Variants in FLACC1 observed in about 807,000 individuals in gnomAD.
FLACC1 encodes flagellum-associated coiled-coil domain-containing protein 1.
Under a neutral mutation model 62.8 loss-of-function variants are expected in FLACC1, and 66 were observed. The observed-to-expected ratio is 1.05, with a 90% CI of 0.86 to 1.29. The LOEUF is 1.29. Among genes scored for constraint, FLACC1 ranks in the 50% most tolerant of loss-of-function variants. The pLI is 0.00. For synonymous variants in FLACC1, 156 were observed against 161.0 expected (o/e 0.97, Z 0.24); for missense variants, 452 against 489.1 (o/e 0.92, Z 0.71).
intron 9 of FLACC1, among the ~76,000 whole-genome samples, chr2:201,309,980 G>A (rs987739360): frequency 3.3e-5 from 5 of 151,130 alleles, no homozygotes; most frequent in Admixed American, 2.6e-4. Context: ...AAAATAAGGG[G>A]ATGTTTTTCA....
chr2:201,320,632 G>A (rs973585315), intron 9 of FLACC1, among the ~76,000 whole-genome samples: 15 of 152,278 alleles, frequency 9.9e-5, no homozygotes, highest in African/African-American at 3.4e-4. Flanking sequence ...TCAACCCAGT[G>A]GCCTGAGAAC....
At chr2:201,300,156 G>A (rs1949947899) in intron 11 of FLACC1, among the ~76,000 whole-genome samples, 1 of 152,224 alleles carries the variant, frequency 6.6e-6, no homozygotes, top group Non-Finnish European at 1.5e-5. Context: ...CGAGGGGTCA[G>A]ATAATTCCCT....
intron 4 of FLACC1, among the ~76,000 whole-genome samples, chr2:201,347,458 C>T (rs1950938117): frequency 6.6e-6 from 1 of 152,224 alleles, no homozygotes; most frequent in Middle Eastern, 3.2e-3. Context: ...ACCTAGAGGG[C>T]AATTATATTT....
intron 9 of FLACC1, among the ~76,000 whole-genome samples, chr2:201,324,962 T>A (rs976941373): frequency 1.3e-5 from 2 of 152,052 alleles, no homozygotes; most frequent in African/African-American, 4.8e-5. Flanking sequence ...ACCCCATCTT[T>A]ACTAAAAATA....
intron 7 of FLACC1, among the ~76,000 whole-genome samples, chr2:201,337,411 T>C (rs1559413090): frequency 6.6e-6 from 1 of 152,244 alleles, no homozygotes; most frequent in Non-Finnish European, 1.5e-5. Flanking sequence ...TCCCAGTGTA[T>C]GTTCTTGACA....
intron 11 of FLACC1, 46 bp downstream of exon 11, chr2:201,307,473 A>T: frequency 6.8e-7 from 1 of 1,461,536 alleles, no homozygotes; most frequent in Non-Finnish European, 9.6e-7. Context: ...TGGGTGTACC[A>T]CCTGGACTAC....
chr2:201,356,308 C>T (rs1294210693), intron 1 of FLACC1, among the ~76,000 whole-genome samples: 2 of 152,088 alleles, frequency 1.3e-5, no homozygotes, highest in Non-Finnish European at 2.9e-5. Flanking sequence ...TTACAGGCAC[C>T]CGCCACCATG....
intron 7 of FLACC1, among the ~76,000 whole-genome samples, chr2:201,334,031 A>C (rs961390316): frequency 6.6e-6 from 1 of 152,244 alleles, no homozygotes; most frequent in Admixed American, 6.5e-5. Context: ...TCCTACCAAC[A>C]GTGTAAAACT....
intron 7 of FLACC1, among the ~76,000 whole-genome samples, chr2:201,335,232 CTT>C (rs1437883034): frequency 6.6e-6 from 1 of 152,024 alleles, no homozygotes; most frequent in South Asian, 2.1e-4. Flanking sequence ...AAAAACAACT[CTT>C]AGCTTCATTG....
intron 7 of FLACC1, among the ~76,000 whole-genome samples, chr2:201,340,766 A>T (rs1950791803): frequency 6.6e-6 from 1 of 152,122 alleles, no homozygotes; most frequent in Admixed American, 6.5e-5. Context: ...TCCGTTTTTA[A>T]AACTTCCTTT....
At chr2:201,292,871 A>C (rs966169267) in intron 12 of FLACC1, among the ~76,000 whole-genome samples, 21 of 152,160 alleles carry the variant, frequency 1.4e-4, no homozygotes, top group African/African-American at 3.1e-4. Flanking sequence ...GGGTTGCAAT[A>C]CTAGTCTCTG....
chr2:201,352,036 A>C (rs1448079431), intron 1 of FLACC1: 1 of 152,304 alleles, frequency 6.6e-6, no homozygotes, highest in Non-Finnish European at 1.5e-5. Flanking sequence ...AGCCAGGTAA[A>C]ACTGCTCAAT....
chr2:201,294,215 C>T (rs1559384217), intron 12 of FLACC1, among the ~76,000 whole-genome samples: 3 of 152,044 alleles, frequency 2.0e-5, no homozygotes, highest in East Asian at 3.9e-4. Context: ...AGAGACACAA[C>T]AAAAAAAGAG....
chr2:201,325,044 G>T (rs1188017695), intron 9 of FLACC1, among the ~76,000 whole-genome samples: 3 of 152,146 alleles, frequency 2.0e-5, no homozygotes, highest in Non-Finnish European at 2.9e-5. Context: ...TGAGGTGCGA[G>T]AATTGCTTGA....
chr2:201,308,494 T>G (rs1371262935), intron 10 of FLACC1, among the ~76,000 whole-genome samples: 6 of 152,158 alleles, frequency 3.9e-5, no homozygotes, highest in Admixed American at 1.3e-4. Context: ...ATAAATGTGG[T>G]TGGCGTGGAA....
At chr2:201,348,170 T>C (rs1258706692) in intron 4 of FLACC1, 84 bp downstream of exon 4, 12 of 1,335,180 alleles carry the variant, frequency 9.0e-6, no homozygotes, top group African/African-American at 8.9e-5. Context: ...ACAAGGTAAG[T>C]ATAAAAATGT....
At chr2:201,302,212 C>CTTT (rs1344090359) in intron 11 of FLACC1, among the ~76,000 whole-genome samples, 1 of 151,906 alleles carries the variant, frequency 6.6e-6, no homozygotes, top group African/African-American at 2.4e-5. Flanking sequence ...CACACAGAGG[C>CTTT]TCAAAATAAA....
chr2:201,351,408 C>T lies in FLACC1; in HGVS notation c.-4G>A, dbSNP rs754356893. On this transcript the variant is annotated 5_prime_UTR_variant, in exon 2 of 15. Transcript: ENST00000392257. The stretch of plus-strand genomic sequence containing the variant: ...AGATGAGAGGGTTGGGGTACATGGC[C>T]AAAGGTCAGGGGGAGTCTTGGCTGC... The T allele has an allele frequency of 5.6e-6, 9 of 1,608,276 alleles. No homozygotes were observed. The African/African-American group carries it at 1.1e-4, about 19-fold the overall frequency.
At chr2:201,328,984 G>A (rs893187737) in intron 9 of FLACC1, among the ~76,000 whole-genome samples, 3 of 151,804 alleles carry the variant, frequency 2.0e-5, no homozygotes, top group East Asian at 1.9e-4. Context: ...GGATAGTTAC[G>A]GAACCACCAC....
Sources: allele counts gnomAD v4.1 joint callset (sites outside exome capture counted in the v4.1 genomes callset), GRCh38; gene constraint gnomAD v4.1.1; transcripts MANE v1.5; gene names NCBI Gene and HGNC (gene_info 2026-07-23, HGNC 2026-07-21).